The following PTPRD variants were observed in gnomAD, a reference collection of about 807,000 sequenced individuals.
PTPRD encodes the protein receptor-type tyrosine-protein phosphatase delta.
A neutral mutation model predicts 214.5 loss-of-function variants in PTPRD; 34 were observed. The observed-to-expected ratio is 0.16, with a 90% CI of 0.12 to 0.21. The LOEUF (loss-of-function observed/expected upper bound fraction) is 0.21. PTPRD is among the 10% of genes least tolerant of loss of function. PTPRD has a pLI of 1.00. For synonymous variants in PTPRD, 1,128 were observed against 845.7 expected, an observed-to-expected ratio of 1.33 and a Z score of -5.79; for missense variants, 2,545 against 2,398.7, an observed-to-expected ratio of 1.06 and a Z score of -1.27.
intron 27 of PTPRD, among the ~76,000 whole-genome samples, chr9:8,486,639 C>A (rs1035531610): frequency 6.6e-6 from 1 of 152,148 alleles, no homozygotes; most frequent in Non-Finnish European, 1.5e-5. Context: ...TAAACCTTCA[C>A]ACATAAAGGT....
At chr9:9,640,220 T>C (rs1593860519) in intron 7 of PTPRD, among the ~76,000 whole-genome samples, 1 of 152,346 alleles carries the variant, frequency 6.6e-6, no homozygotes, top group East Asian at 1.9e-4. Context: ...GGCATGCATG[T>C]GATCTAAATA....
Position 8,929,875 on chromosome 9 carries a change from G to GTGTGTA in PTPRD, c.-104+88821_-104+88822insTACACA, listed in dbSNP as rs375287947. ...TATATATGTGTATATACATGTGTGT[G>GTGTGTA]TATATATGTGTGTGTATATATATGT... On this transcript the variant is annotated intron_variant, in intron 11 of 45. Transcript: ENST00000381196. 7.2e-5 allele frequency among the ~76,000 whole-genome samples: 5 copies of GTGTGTA among 68,970 alleles called. 1 individual carries two copies. The highest frequency in any genetic ancestry group is 7.7e-4 in the East Asian group (2 of 2,608). 45.2% of individuals were successfully genotyped at this position (68,970 alleles called of 152,430 possible). A position where few individuals can be genotyped will look rare whatever the true frequency, so the allele number is the denominator to read the frequency against.
chr9:9,097,248 C>T (rs760581156), intron 10 of PTPRD, among the ~76,000 whole-genome samples: 10 of 152,034 alleles, frequency 6.6e-5, no homozygotes, highest in African/African-American at 1.2e-4. Flanking sequence ...AAAATCTGTC[C>T]TGAAAACAAA....
At chr9:10,605,616 C>T (rs2079092417) in intron 2 of PTPRD, among the ~76,000 whole-genome samples, 1 of 151,730 alleles carries the variant, frequency 6.6e-6, no homozygotes. Flanking sequence ...CTCAGGATGA[C>T]AGCAAAGGAG....
intron 3 of PTPRD, among the ~76,000 whole-genome samples, chr9:10,083,058 C>A (rs1251094402): frequency 4.6e-5 from 7 of 151,816 alleles, no homozygotes; most frequent in African/African-American, 1.5e-4. Context: ...ATAAATAAAT[C>A]CCATATCTAT....
chr9:9,047,295 G>A (rs1030933768), intron 10 of PTPRD, among the ~76,000 whole-genome samples: 3 of 152,022 alleles, frequency 2.0e-5, no homozygotes, highest in Non-Finnish European at 4.4e-5. Flanking sequence ...TTATGGATTG[G>A]AAGAATCAAT....
chr9:9,717,147 G>T (rs989741387), intron 7 of PTPRD, among the ~76,000 whole-genome samples: 4 of 152,036 alleles, frequency 2.6e-5, no homozygotes, highest in African/African-American at 9.7e-5. Flanking sequence ...GTTTGTCAAA[G>T]ATCAGATAGT....
At chr9:9,737,538 A>C (rs930844272) in intron 6 of PTPRD, among the ~76,000 whole-genome samples, 1 of 152,062 alleles carries the variant, frequency 6.6e-6, no homozygotes, top group Non-Finnish European at 1.5e-5. Flanking sequence ...GATAACTCCT[A>C]ATCTATTGTC....
chr9:9,981,546 G>GTAC (rs2095544834), intron 4 of PTPRD, among the ~76,000 whole-genome samples: 3 of 130,662 alleles, frequency 2.3e-5, no homozygotes, highest in African/African-American at 5.6e-5. Flanking sequence ...TTTTTTACTA[G>GTAC]AGACGGAGTT....
chr9:10,451,046 T>A (rs1212306738), intron 2 of PTPRD, among the ~76,000 whole-genome samples: 1 of 151,966 alleles, frequency 6.6e-6, no homozygotes, highest in Non-Finnish European at 1.5e-5. Flanking sequence ...TCTTGACACT[T>A]TACTCAAGAA....
chr9:8,532,601 G>A (rs578030481), intron 14 of PTPRD, among the ~76,000 whole-genome samples: 1 of 152,004 alleles, frequency 6.6e-6, no homozygotes, highest in Non-Finnish European at 1.5e-5. Flanking sequence ...TCATTAATGT[G>A]CTCATTAAGC....
At chr9:8,930,732 T>C (rs1386596194) in intron 11 of PTPRD, among the ~76,000 whole-genome samples, 3 of 152,244 alleles carry the variant, frequency 2.0e-5, no homozygotes, top group African/African-American at 4.8e-5. Flanking sequence ...CATTTTTTCA[T>C]GTGTCTTTTG....
intron 11 of PTPRD, among the ~76,000 whole-genome samples, chr9:8,974,573 T>A (rs941655385): frequency 5.3e-5 from 8 of 152,030 alleles, no homozygotes; most frequent in African/African-American, 1.9e-4. Flanking sequence ...CAGGATGGCA[T>A]CTGTTGCCAT....
chr9:8,938,853 T>C (rs903349264), intron 11 of PTPRD, among the ~76,000 whole-genome samples: 2 of 152,168 alleles, frequency 1.3e-5, no homozygotes, highest in African/African-American at 4.8e-5. Flanking sequence ...AGTTAGCATA[T>C]TAATTAAGAC....
At chr9:9,294,034 A>T (rs1252155776) in intron 9 of PTPRD, among the ~76,000 whole-genome samples, 1 of 151,568 alleles carries the variant, frequency 6.6e-6, no homozygotes, top group East Asian at 2.0e-4. Context: ...AGCACCTGTG[A>T]TACTGCCACA....
chr9:8,360,119 A>G (rs879428371), intron 39 of PTPRD, among the ~76,000 whole-genome samples: 1 of 152,244 alleles, frequency 6.6e-6, no homozygotes, highest in African/African-American at 2.4e-5. Flanking sequence ...TAGTTACAAA[A>G]TAAATGAGTT....
chr9:9,382,615 C>A (rs968647924), intron 9 of PTPRD, among the ~76,000 whole-genome samples: 5 of 151,992 alleles, frequency 3.3e-5, no homozygotes, highest in Admixed American at 3.3e-4. Flanking sequence ...CACTTCACAT[C>A]TGTTAGGATG....
intron 12 of PTPRD, among the ~76,000 whole-genome samples, chr9:8,641,218 G>A (rs1362150504): frequency 6.7e-6 from 1 of 148,468 alleles, no homozygotes; most frequent in Non-Finnish European, 1.5e-5. Flanking sequence ...CTACTAAAAA[G>A]TCACAACATA....
chr9:10,398,746 T>C (rs949160532), intron 2 of PTPRD, among the ~76,000 whole-genome samples: 6 of 151,998 alleles, frequency 3.9e-5, no homozygotes, highest in African/African-American at 1.4e-4. Flanking sequence ...CGGCCACGTA[T>C]GCATATTGTG....
Sources: gnomAD v4.1 joint callset for allele counts (sites outside exome capture counted in the v4.1 genomes callset) on GRCh38, gnomAD v4.1.1 for gene constraint, MANE v1.5 for transcripts, NCBI Gene and HGNC (gene_info 2026-07-23, HGNC 2026-07-21) for gene names.